Variants in TMEM196 observed in about 807,000 individuals in gnomAD.
TMEM196 encodes transmembrane protein 196.
In TMEM196, 17 loss-of-function variants were observed where a neutral mutation model predicts 20.0. That is an observed-to-expected ratio of 0.85 (90% confidence interval 0.58 to 1.27). The LOEUF (loss-of-function observed/expected upper bound fraction) is 1.27, where lower values mean the gene tolerates loss of function less well. TMEM196 is among the 50% of genes most tolerant of loss of function. The pLI is 0.00. For missense variants in TMEM196, 267 were observed against 223.0 expected (o/e 1.20, Z -1.26); for synonymous variants, 113 against 88.9 (o/e 1.27, Z -1.52).
chr7:19,724,245 A>C, intron 4 of TMEM196, 35 bp downstream of exon 4: 1 of 1,541,184 alleles, frequency 6.5e-7, no homozygotes, highest in Non-Finnish European at 8.8e-7. Flanking sequence ...CTGCAGCGAC[A>C]TTACAACATG....
intron 1 of TMEM196, among the ~76,000 whole-genome samples, chr7:19,756,411 T>C (rs1785213189): frequency 6.6e-6 from 1 of 152,074 alleles, no homozygotes; most frequent in Non-Finnish European, 1.5e-5. Context: ...TCTGCAGGTT[T>C]GTTATATGGG....
At chr7:19,740,846 T>C (rs75598062) in intron 1 of TMEM196, among the ~76,000 whole-genome samples, 3,711 of 152,220 alleles carry the variant, frequency 0.024, 71 homozygotes, top group Middle Eastern at 0.065. Context: ...TTTATAAGAA[T>C]TGAGTACAGA....
At chr7:19,756,099 T>A (rs1479030180) in intron 1 of TMEM196, among the ~76,000 whole-genome samples, 35 of 142,532 alleles carry the variant, frequency 2.5e-4, no homozygotes, top group African/African-American at 9.0e-4. Flanking sequence ...AAAAAAAAAA[T>A]GTATTCAGAC....
At chr7:19,751,946 T>C (rs1785004672) in intron 1 of TMEM196, among the ~76,000 whole-genome samples, 1 of 152,166 alleles carries the variant, frequency 6.6e-6, no homozygotes, top group African/African-American at 2.4e-5. Flanking sequence ...AAGCTACAAT[T>C]AACAAGATTT....
intron 1 of TMEM196, among the ~76,000 whole-genome samples, chr7:19,764,084 T>A (rs1317132258): frequency 6.6e-6 from 1 of 152,216 alleles, no homozygotes; most frequent in Non-Finnish European, 1.5e-5. Flanking sequence ...ATAAGAAACT[T>A]GCAAGTTTAA....
chr7:19,764,036 T>A (rs1012164233), intron 1 of TMEM196, among the ~76,000 whole-genome samples: 1 of 152,230 alleles, frequency 6.6e-6, no homozygotes, highest in Non-Finnish European at 1.5e-5. Context: ...CACAAATTTC[T>A]ATTTTTATAT....
chr7:19,757,463 A>G (rs1785266929), intron 1 of TMEM196, among the ~76,000 whole-genome samples: 1 of 150,274 alleles, frequency 6.7e-6, no homozygotes, highest in Non-Finnish European at 1.5e-5. Flanking sequence ...GCTAGTCTCG[A>G]ACTCCTAACC....
intron 1 of TMEM196, among the ~76,000 whole-genome samples, chr7:19,769,364 C>G (rs1316140170): frequency 6.6e-6 from 1 of 152,016 alleles, no homozygotes; most frequent in Non-Finnish European, 1.5e-5. Flanking sequence ...AATTCTGTCA[C>G]CTCAAACTGG....
At chr7:19,749,994 T>C (rs1315347029) in intron 1 of TMEM196, among the ~76,000 whole-genome samples, 1 of 152,320 alleles carries the variant, frequency 6.6e-6, no homozygotes, top group East Asian at 1.9e-4. Flanking sequence ...TGACTTTGAT[T>C]GTTAGAAAGT....
In TMEM196 at chr7:19,731,202, T is replaced by C. The variant is rs191839926; in HGVS notation, c.148-1764A>G. Among the ~76,000 whole-genome samples, 15 of 152,270 alleles carry C rather than the reference T, an allele frequency of 9.9e-5. No homozygotes were observed. The East Asian group carries it at 2.9e-3, about 29-fold the overall frequency. ...ATTCGGAAAGTATATGATAGCCAAA[T>C]AGTTAACATACTTTAGAAATAGATC... is the stretch of plus-strand genomic sequence containing the variant. On this transcript the variant is annotated intron_variant, in intron 1 of 4. Coordinates refer to ENST00000405844, the MANE Select transcript of TMEM196 (RefSeq NM_001363562.2).
intron 1 of TMEM196, among the ~76,000 whole-genome samples, chr7:19,736,389 A>T (rs951388429): frequency 2.0e-5 from 1 of 50,388 alleles, no homozygotes; most frequent in African/African-American, 1.1e-4. Flanking sequence ...ATATATATAT[A>T]TATATATATA....
intron 1 of TMEM196, among the ~76,000 whole-genome samples, chr7:19,734,025 C>A (rs1045592269): frequency 2.0e-5 from 3 of 152,084 alleles, no homozygotes; most frequent in Non-Finnish European, 4.4e-5. Context: ...CCACCCCAAC[C>A]CTGTGATGAA....
chr7:19,734,795 C>A (rs1784339671), intron 1 of TMEM196, among the ~76,000 whole-genome samples: 1 of 151,966 alleles, frequency 6.6e-6, no homozygotes, highest in Admixed American at 6.6e-5. Flanking sequence ...TTTTAAGCCA[C>A]GAAATTTGCA....
Position 19,719,963 on chromosome 7 carries a change from A to G in TMEM196, c.*2165T>C, listed in dbSNP as rs1479742064. On this transcript the variant is annotated 3_prime_UTR_variant, in exon 5 of 5. Transcript: ENST00000405844. ...TACAACATTTTTCTGATGTATTATA[A>G]TTTTGTATTGAACAAGCATGTTTAT... The G allele has an allele frequency of 6.6e-6, 1 of 152,038 alleles. No individual in the cohort carries two copies. The highest frequency in any genetic ancestry group is 2.1e-4 in the South Asian group (1 of 4,832). The allele number at this position is 152,038 out of a possible 1,614,324, so 9.4% of individuals were successfully genotyped here. A position where few individuals can be genotyped will look rare whatever the true frequency, so the allele number is the denominator to read the frequency against.
rs145790832 is a variant in TMEM196, at chr7:19,738,631, T to C, written c.148-9193A>G. Among the ~76,000 whole-genome samples the C allele has an allele frequency of 4.3e-3, 653 of 152,090 alleles. 3 individuals are homozygous for C. Among genetic ancestry groups the C allele is most frequent in the Middle Eastern group, 0.027 (8 of 294 alleles). On this transcript the variant is annotated intron_variant, in intron 1 of 4. Transcript: ENST00000405844. Reference sequence around the variant, plus strand: ...AGCATACAAACAAACAAAACCCACATTGAGGTTTGTCAAAGGGACAAAGGA... The same window carrying C: ...AGCATACAAACAAACAAAACCCACACTGAGGTTTGTCAAAGGGACAAAGGA...
intron 1 of TMEM196, among the ~76,000 whole-genome samples, chr7:19,768,163 A>G (rs1785711669): frequency 6.6e-6 from 1 of 152,058 alleles, no homozygotes; most frequent in Admixed American, 6.6e-5. Flanking sequence ...AAGCAATAAA[A>G]CCTGTAAACA....
chr7:19,768,756 A>G (rs761373592), intron 1 of TMEM196, among the ~76,000 whole-genome samples: 19 of 152,196 alleles, frequency 1.2e-4, no homozygotes, highest in Non-Finnish European at 2.2e-4. Context: ...ATGAAATTAT[A>G]GTTAACTGAT....
At chr7:19,734,944 A>G (rs1235221253) in intron 1 of TMEM196, among the ~76,000 whole-genome samples, 1 of 152,190 alleles carries the variant, frequency 6.6e-6, no homozygotes, top group Non-Finnish European at 1.5e-5. Context: ...TGAAATAACA[A>G]AAGCACAAAA....
At chr7:19,748,147 C>T (rs1390442787) in intron 1 of TMEM196, among the ~76,000 whole-genome samples, 2 of 150,918 alleles carry the variant, frequency 1.3e-5, no homozygotes, top group Non-Finnish European at 2.9e-5. Context: ...TGCTATCCTG[C>T]ATCTCCTAAG....
Sources: gnomAD v4.1 joint callset for allele counts (sites outside exome capture counted in the v4.1 genomes callset) on GRCh38, gnomAD v4.1.1 for gene constraint, MANE v1.5 for transcripts, NCBI Gene and HGNC (gene_info 2026-07-23, HGNC 2026-07-21) for gene names.